The following NRXN1 variants were observed in gnomAD, a reference collection of about 807,000 sequenced individuals.
NRXN1 encodes the protein neurexin-1.
Under a neutral mutation model 150.9 loss-of-function variants are expected in NRXN1, and 39 were observed. The ratio of observed to expected loss-of-function variants is 0.26; its 90% CI spans 0.20 to 0.34. The LOEUF (loss-of-function observed/expected upper bound fraction) is 0.34, where lower values mean the gene tolerates loss of function less well. Ranked by LOEUF, NRXN1 falls within the 10% of genes least tolerant of loss-of-function variation. The pLI is 1.00. For synonymous variants in NRXN1, 924 were observed against 757.0 expected, an observed-to-expected ratio of 1.22 and a Z score of -3.62; for missense variants, 1,815 against 1,949.9, an observed-to-expected ratio of 0.93 and a Z score of 1.30.
In NRXN1 at chr2:50,403,715, G is replaced by A. The variant is rs74636454; in HGVS notation, c.3364+61727C>T. 7.3e-3 allele frequency among the ~76,000 whole-genome samples: 1,117 copies of A among 152,144 alleles called. 21 individuals are homozygous for A. The highest frequency in any genetic ancestry group is 0.026 in the African/African-American group (1,061 of 41,532). On this transcript the variant is annotated intron_variant, in intron 17 of 22. Coordinates refer to ENST00000401669, the MANE Select transcript of NRXN1 (RefSeq NM_001330078.2). ...ACAGCTTTGTAATACTAATTTTAAG[G>A]TAATCTCATGTATTTGTATTAATAT...
At chr2:50,042,123 A>T (rs1006805929) in intron 21 of NRXN1, among the ~76,000 whole-genome samples, 1 of 152,236 alleles carries the variant, frequency 6.6e-6, no homozygotes, top group African/African-American at 2.4e-5. Context: ...TTTATACTGC[A>T]TAAGAAGGAA....
chr2:50,017,446 C>CA (rs1313351778), intron 21 of NRXN1, among the ~76,000 whole-genome samples: 3 of 151,454 alleles, frequency 2.0e-5, no homozygotes, highest in Non-Finnish European at 2.9e-5. Context: ...AAATAAAAGT[C>CA]AAAAAAAATT....
chr2:50,834,632 C>T (rs1559330125), intron 5 of NRXN1, among the ~76,000 whole-genome samples: 1 of 152,060 alleles, frequency 6.6e-6, no homozygotes, highest in Non-Finnish European at 1.5e-5. Context: ...ACTAGATAAC[C>T]ACTGGCAAAT....
chr2:50,158,915 T>A (rs2059193011), intron 18 of NRXN1, among the ~76,000 whole-genome samples: 1 of 152,066 alleles, frequency 6.6e-6, no homozygotes, highest in South Asian at 2.1e-4. Context: ...CCTGTCAGGA[T>A]ACGACAAAAA....
intron 12 of NRXN1, among the ~76,000 whole-genome samples, chr2:50,514,647 A>T (rs2092571970): frequency 6.6e-6 from 1 of 152,214 alleles, no homozygotes; most frequent in Non-Finnish European, 1.5e-5. Context: ...ATTGCAATGT[A>T]AAAGCAAGCA....
chr2:50,952,520 T>C (rs1575037263), intron 2 of NRXN1, among the ~76,000 whole-genome samples: 1 of 152,184 alleles, frequency 6.6e-6, no homozygotes, highest in Non-Finnish European at 1.5e-5. Context: ...ACTTGCTACA[T>C]GGTAGGCACA....
chr2:50,655,932 T>G (rs1686387006), intron 5 of NRXN1, among the ~76,000 whole-genome samples: 1 of 151,978 alleles, frequency 6.6e-6, no homozygotes, highest in African/African-American at 2.4e-5. Flanking sequence ...GTGGTGTAAT[T>G]AAACTCAAAT....
chr2:50,316,272 A>G (rs2075595968), intron 17 of NRXN1, among the ~76,000 whole-genome samples: 1 of 152,012 alleles, frequency 6.6e-6, no homozygotes, highest in South Asian at 2.1e-4. Flanking sequence ...TTCCATTCCA[A>G]CTGAAACCTT....
Position 50,091,308 on chromosome 2 carries a change from T to TATTC in NRXN1, c.3718+11_3718+14dup. ...TTTCATAAAATCTTCCCCCGATACA[T>TATTC]ATTCACTTGCTTACCTGCAGGGTAG... On this transcript the variant is annotated intron_variant, in intron 19 of 22. Transcript: ENST00000401669. 6.2e-7 allele frequency: 1 copy of TATTC among 1,613,980 alleles called. No homozygotes were observed. Among genetic ancestry groups the TATTC allele is most frequent in the Non-Finnish European group, 8.5e-7 (1 of 1,179,950 alleles).
At chr2:49,925,841 A>G (rs564768964) in intron 22 of NRXN1, among the ~76,000 whole-genome samples, 2 of 152,378 alleles carry the variant, frequency 1.3e-5, no homozygotes, top group South Asian at 4.1e-4. Context: ...CTTGTTAAAA[A>G]AAGCAAGTAA....
chr2:49,981,302 CTGAT>C (rs1679946577), intron 21 of NRXN1, among the ~76,000 whole-genome samples: 1 of 151,800 alleles, frequency 6.6e-6, no homozygotes, highest in Non-Finnish European at 1.5e-5. Context: ...TTTTTGGTAA[CTGAT>C]TGATGAAAGC....
At chr2:50,278,873 C>A (rs2071026765) in intron 17 of NRXN1, among the ~76,000 whole-genome samples, 1 of 149,640 alleles carries the variant, frequency 6.7e-6, no homozygotes, top group Non-Finnish European at 1.5e-5. Flanking sequence ...ACTGGCCTGA[C>A]AAACCATTAA....
intron 5 of NRXN1, among the ~76,000 whole-genome samples, chr2:50,626,617 A>G (rs975904357): frequency 2.6e-5 from 4 of 151,976 alleles, no homozygotes; most frequent in African/African-American, 9.7e-5. Flanking sequence ...ACAAAAATCA[A>G]TTCTACATGG....
chr2:50,285,326 G>T (rs1208344951), intron 17 of NRXN1, among the ~76,000 whole-genome samples: 4 of 152,002 alleles, frequency 2.6e-5, no homozygotes, highest in African/African-American at 9.7e-5. Flanking sequence ...TCAGAGTTTG[G>T]GATGGTTCAA....
chr2:50,790,486 T>C (rs1705786230), intron 5 of NRXN1, among the ~76,000 whole-genome samples: 1 of 152,038 alleles, frequency 6.6e-6, no homozygotes, highest in South Asian at 2.1e-4. Flanking sequence ...CCAGGTGTGG[T>C]GGCAGGTACC....
chr2:50,640,275 T>C (rs1191376200), intron 5 of NRXN1, among the ~76,000 whole-genome samples: 2 of 152,194 alleles, frequency 1.3e-5, no homozygotes, highest in Non-Finnish European at 2.9e-5. Flanking sequence ...TTTAGAGAGA[T>C]ATGACCTAGG....
intron 8 of NRXN1, among the ~76,000 whole-genome samples, chr2:50,604,800 C>A (rs778047783): frequency 6.6e-6 from 1 of 152,136 alleles, no homozygotes; most frequent in Non-Finnish European, 1.5e-5. Flanking sequence ...TGAATCTACA[C>A]AAAGGTTATA....
chr2:50,215,251 G>C (rs570885862), intron 18 of NRXN1, among the ~76,000 whole-genome samples: 30 of 152,028 alleles, frequency 2.0e-4, no homozygotes, highest in African/African-American at 7.2e-4. Context: ...AAAAGAAAAA[G>C]GTTATTATAA....
chr2:50,303,787 A>G (rs1196421356), intron 17 of NRXN1, among the ~76,000 whole-genome samples: 1 of 152,118 alleles, frequency 6.6e-6, no homozygotes, highest in Non-Finnish European at 1.5e-5. Flanking sequence ...GGTAAAAACA[A>G]TTTCCATTTA....
Sources: gnomAD v4.1 joint callset for allele counts (sites outside exome capture counted in the v4.1 genomes callset) on GRCh38, gnomAD v4.1.1 for gene constraint, MANE v1.5 for transcripts, NCBI Gene and HGNC (gene_info 2026-07-23, HGNC 2026-07-21) for gene names.